Variants in SESTD1 observed in about 807,000 individuals in gnomAD.
SESTD1 encodes the protein SEC14 domain and spectrin repeat-containing protein 1.
Under a neutral mutation model 101.7 loss-of-function variants are expected in SESTD1, and 43 were observed. That is an observed-to-expected ratio of 0.42 (90% CI 0.33 to 0.55). The LOEUF (loss-of-function observed/expected upper bound fraction) is 0.55. Ranked by LOEUF, SESTD1 falls within the 20% of genes least tolerant of loss-of-function variation. The probability of loss-of-function intolerance (pLI) is 0.07; values close to 1 mark genes in which losing one functional copy is unlikely to be tolerated. For missense variants in SESTD1, 647 were observed against 815.1 expected (o/e 0.79, Z 2.51); for synonymous variants, 283 against 286.8 (o/e 0.99, Z 0.13).
At chr2:179,171,738 C>T (rs1423391983) in intron 5 of SESTD1, among the ~76,000 whole-genome samples, 2 of 151,966 alleles carry the variant, frequency 1.3e-5, no homozygotes, top group Non-Finnish European at 2.9e-5. Context: ...TGGCCAGATA[C>T]TAAAAAATAA....
intron 5 of SESTD1, among the ~76,000 whole-genome samples, chr2:179,160,861 T>C (rs1306751749): frequency 6.6e-6 from 1 of 152,054 alleles, no homozygotes; most frequent in Non-Finnish European, 1.5e-5. Flanking sequence ...TTTTAATTTT[T>C]TTAAAAAAGG....
At position 179,216,006 on chromosome 2, in the gene SESTD1, T is replaced by C. The variant is rs1261668492; in HGVS notation, c.-25-24140A>G. ...ACATAACTCAAAATAGTAAGAACTA[T>C]ATGACAAATGCACAGCCAATATCAT... On this transcript the variant is annotated intron_variant, in intron 1 of 17. Transcript: ENST00000428443. Among the ~76,000 whole-genome samples the C allele has an allele frequency of 1.5e-5, 2 of 134,890 alleles. 1 individual carries two copies. Among genetic ancestry groups the C allele is most frequent in the Non-Finnish European group, 3.2e-5 (2 of 62,716 alleles). The allele number at this position is 134,890 out of a possible 152,430, so 88.5% of individuals were successfully genotyped here.
At chr2:179,264,306 T>G (rs13391473) in intron 1 of SESTD1, 193 bp downstream of exon 1, 40,638 of 150,796 alleles carry the variant, frequency 0.27, 5,887 homozygotes, top group South Asian at 0.4. Context: ...GGTCGGGGCG[T>G]TGGGAGCAGA....
rs544573233 is a variant in SESTD1 at position 179,115,580 on chromosome 2, T to G, written c.1648-324A>C. ...CTGGCCAACATAGCAAGATCCTATC[T>G]CTAAAAAAATGAAAAAAATTAGTTG... On this transcript the variant is annotated intron_variant, in intron 15 of 17. Coordinates refer to ENST00000428443, the MANE Select transcript of SESTD1 (RefSeq NM_178123.5). Among the ~76,000 whole-genome samples the G allele has an allele frequency of 1.1e-4, 17 of 151,868 alleles. No individual in the cohort carries two copies. In the South Asian group the frequency reaches 3.5e-3, roughly 32 times the overall value.
chr2:179,205,468 C>G (rs2046578174), intron 1 of SESTD1, among the ~76,000 whole-genome samples: 1 of 134,330 alleles, frequency 7.4e-6, no homozygotes, highest in East Asian at 2.0e-4. Flanking sequence ...TTCTCCACAT[C>G]TCTAAAAGGG....
chr2:179,193,620 TA>T (rs2046349798), intron 1 of SESTD1, among the ~76,000 whole-genome samples: 1 of 152,226 alleles, frequency 6.6e-6, no homozygotes, highest in Admixed American at 6.5e-5. Flanking sequence ...TGCACTGTTT[TA>T]AACGATTTCT....
At chr2:179,180,649 G>A (rs1005531223) in intron 3 of SESTD1, among the ~76,000 whole-genome samples, 1 of 152,156 alleles carries the variant, frequency 6.6e-6, no homozygotes, top group Non-Finnish European at 1.5e-5. Flanking sequence ...GGACATATGG[G>A]TGTCACCGTA....
At chr2:179,124,070 T>G (rs1455253099) in intron 11 of SESTD1, among the ~76,000 whole-genome samples, 1 of 152,112 alleles carries the variant, frequency 6.6e-6, no homozygotes, top group Non-Finnish European at 1.5e-5. Flanking sequence ...GTATTGAGAC[T>G]TCCATTTCCA....
At chr2:179,193,906 T>A (rs566669168) in intron 1 of SESTD1, among the ~76,000 whole-genome samples, 37 of 152,318 alleles carry the variant, frequency 2.4e-4, no homozygotes, top group African/African-American at 8.4e-4. Context: ...GCCCCAGTAC[T>A]ATTTTACAGC....
chr2:179,256,616 AC>A (rs2047397403), intron 1 of SESTD1, among the ~76,000 whole-genome samples: 1 of 151,950 alleles, frequency 6.6e-6, no homozygotes, highest in Non-Finnish European at 1.5e-5. Flanking sequence ...ATCGAGACCA[AC>A]CTGGCTAACA....
intron 1 of SESTD1, among the ~76,000 whole-genome samples, chr2:179,203,711 G>A (rs776297988): frequency 7.4e-6 from 1 of 134,348 alleles, no homozygotes; most frequent in East Asian, 2.0e-4. Flanking sequence ...AGCCAAGTCA[G>A]ACAGAAGTGT....
chr2:179,262,422 T>C (rs1044941218), intron 1 of SESTD1, among the ~76,000 whole-genome samples: 1 of 152,196 alleles, frequency 6.6e-6, no homozygotes, highest in Non-Finnish European at 1.5e-5. Flanking sequence ...AGACAAAGTC[T>C]GGCTGTCACC....
chr2:179,195,118 T>C (rs574649605), intron 1 of SESTD1, among the ~76,000 whole-genome samples: 3 of 152,170 alleles, frequency 2.0e-5, no homozygotes, highest in Non-Finnish European at 4.4e-5. Flanking sequence ...CAAGTAAGTG[T>C]TCTTGATGCA....
intron 1 of SESTD1, among the ~76,000 whole-genome samples, chr2:179,258,985 T>C (rs2047440589): frequency 6.6e-6 from 1 of 152,132 alleles, no homozygotes; most frequent in Non-Finnish European, 1.5e-5. Flanking sequence ...TTATAGTAGG[T>C]TCCCCCCTTG....
Position 179,201,858 on chromosome 2 carries a change from G to A in SESTD1, c.-25-9992C>T, listed in dbSNP as rs1298614893. On this transcript the variant is annotated intron_variant, in intron 1 of 17. Coordinates refer to ENST00000428443, the MANE Select transcript of SESTD1 (RefSeq NM_178123.5). ...TTAGTGGGTGCAGCGCACCAGCATG[G>A]CACATGTATACATATGTAACTAACC... 7.0e-5 allele frequency among the ~76,000 whole-genome samples: 9 copies of A among 127,980 alleles called. 2 individuals are homozygous for A. The highest frequency in any genetic ancestry group is 1.1e-4 in the Non-Finnish European group (7 of 60,938). 84.0% of individuals were successfully genotyped at this position (127,980 alleles called of 152,430 possible).
At chr2:179,164,464 G>A (rs1177383907) in intron 5 of SESTD1, among the ~76,000 whole-genome samples, 1 of 152,164 alleles carries the variant, frequency 6.6e-6, no homozygotes, top group Non-Finnish European at 1.5e-5. Flanking sequence ...ATTAATGCTA[G>A]TATGACCTCA....
intron 13 of SESTD1, 23 bp from the exon 14 acceptor site, chr2:179,117,636 T>A: frequency 6.5e-7 from 1 of 1,535,584 alleles, no homozygotes; most frequent in Non-Finnish European, 8.7e-7. Flanking sequence ...AACATAAATT[T>A]AACTCATCAT....
intron 8 of SESTD1, among the ~76,000 whole-genome samples, chr2:179,144,220 G>C (rs1469825988): frequency 6.6e-6 from 1 of 151,774 alleles, no homozygotes; most frequent in Non-Finnish European, 1.5e-5. Flanking sequence ...TATACTGTGG[G>C]ATTTCTGTCT....
chr2:179,138,566 G>C (rs989422049), intron 9 of SESTD1, among the ~76,000 whole-genome samples: 1 of 152,126 alleles, frequency 6.6e-6, no homozygotes, highest in African/African-American at 2.4e-5. Context: ...ATGGTGAGAG[G>C]TTCTCAGGCT....
Sources: gnomAD v4.1 joint callset for allele counts (sites outside exome capture counted in the v4.1 genomes callset) on GRCh38, gnomAD v4.1.1 for gene constraint, MANE v1.5 for transcripts, NCBI Gene and HGNC (gene_info 2026-07-23, HGNC 2026-07-21) for gene names.